The following CDYL variants were observed in gnomAD, a reference collection of about 807,000 sequenced individuals.
The protein encoded by CDYL is chromodomain Y-like protein.
Under a neutral mutation model 47.3 loss-of-function variants are expected in CDYL, and 8 were observed. The observed-to-expected ratio is 0.17, with a 90% CI of 0.10 to 0.31. CDYL has a LOEUF of 0.31. CDYL is among the 10% of genes least tolerant of loss of function. CDYL has a pLI of 1.00. For missense variants in CDYL, 471 were observed against 701.4 expected (o/e 0.67, Z 3.71); for synonymous variants, 266 against 265.0 (o/e 1.00, Z -0.04).
At chr6:4,729,883 A>T (rs1757575350) in intron 2 of CDYL, among the ~76,000 whole-genome samples, 2 of 151,980 alleles carry the variant, frequency 1.3e-5, no homozygotes, top group South Asian at 4.1e-4. Context: ...ACGCTACTAC[A>T]CTCCAGCCTG....
At chr6:4,918,800 C>T (rs1347153277) in intron 2 of CDYL, among the ~76,000 whole-genome samples, 1 of 152,152 alleles carries the variant, frequency 6.6e-6, no homozygotes, top group Non-Finnish European at 1.5e-5. Flanking sequence ...TTTTGAAGAA[C>T]TGAGTAAGGA....
intron 1 of CDYL, among the ~76,000 whole-genome samples, chr6:4,821,872 C>T (rs1441126934): frequency 6.6e-6 from 1 of 151,832 alleles, no homozygotes; most frequent in Non-Finnish European, 1.5e-5. Context: ...TAATTGTAGC[C>T]ATATAATAAT....
chr6:4,811,528 A>C (rs1759528252), intron 1 of CDYL, among the ~76,000 whole-genome samples: 1 of 152,016 alleles, frequency 6.6e-6, no homozygotes, highest in South Asian at 2.1e-4. Context: ...CCTAGAATTT[A>C]GTAAGGAGAT....
intron 2 of CDYL, among the ~76,000 whole-genome samples, chr6:4,722,509 G>A (rs780758355): frequency 3.3e-5 from 5 of 152,152 alleles, no homozygotes; most frequent in Non-Finnish European, 7.3e-5. Context: ...TTTAAAAAGA[G>A]TACGTGCCAC....
chr6:4,850,814 A>G (rs1180304461), intron 1 of CDYL, among the ~76,000 whole-genome samples: 1 of 152,238 alleles, frequency 6.6e-6, no homozygotes, highest in East Asian at 1.9e-4. Flanking sequence ...TAATTTGGAT[A>G]TTTAACAAAA....
chr6:4,818,807 A>G (rs797003105), intron 1 of CDYL, among the ~76,000 whole-genome samples: 10 of 152,350 alleles, frequency 6.6e-5, no homozygotes, highest in African/African-American at 2.4e-4. Flanking sequence ...GGATGTAAAA[A>G]TCATGTTAAC....
At chr6:4,934,631 C>T (rs1758133051) in intron 2 of CDYL, among the ~76,000 whole-genome samples, 1 of 152,172 alleles carries the variant, frequency 6.6e-6, no homozygotes, top group African/African-American at 2.4e-5. Context: ...CACATTGGAT[C>T]ATATTTGGAC....
At chr6:4,722,328 G>A (rs1757386313) in intron 2 of CDYL, among the ~76,000 whole-genome samples, 1 of 152,108 alleles carries the variant, frequency 6.6e-6, no homozygotes, top group African/African-American at 2.4e-5. Flanking sequence ...GGAGGCCAAG[G>A]TGGGAGGATG....
intron 2 of CDYL, among the ~76,000 whole-genome samples, chr6:4,921,676 C>T (rs982079761): frequency 3.9e-5 from 6 of 152,186 alleles, no homozygotes; most frequent in Non-Finnish European, 8.8e-5. Context: ...AGGCTGGCTG[C>T]AGTCTGTTTG....
intron 1 of CDYL, among the ~76,000 whole-genome samples, chr6:4,787,952 A>G (rs1758800825): frequency 6.6e-6 from 1 of 151,514 alleles, no homozygotes; most frequent in Non-Finnish European, 1.5e-5. Context: ...TTGTATTTTT[A>G]GTAGAGACAA....
chr6:4,725,442 G>C (rs982623891), intron 2 of CDYL, among the ~76,000 whole-genome samples: 2 of 152,250 alleles, frequency 1.3e-5, no homozygotes, highest in Non-Finnish European at 2.9e-5. Flanking sequence ...GGAGGCTCAG[G>C]CATGGCGGGC....
chr6:4,927,471 G>A (rs551740713), intron 2 of CDYL, among the ~76,000 whole-genome samples: 10 of 143,664 alleles, frequency 7.0e-5, no homozygotes, highest in South Asian at 2.3e-4. Flanking sequence ...CTTTTGAGAC[G>A]GAGTCTCACT....
intron 1 of CDYL, among the ~76,000 whole-genome samples, chr6:4,886,477 A>G (rs547104897): frequency 7.2e-5 from 11 of 152,274 alleles, no homozygotes; most frequent in Non-Finnish European, 1.5e-4. Context: ...ATGGCTAATG[A>G]TGTTGAGCGT....
chr6:4,892,367 G>T lies in CDYL; in HGVS notation c.679G>T (p.Val227Phe). ...VTAAMATGLA[V>F]NGKGTSPFMD... ...TGCAGCCATGGCCACAGGCTTAGCTGTTAACGGGAAAGGTGAGTGTCTAGG... is the reference window on the plus strand; with the variant it reads ...TGCAGCCATGGCCACAGGCTTAGCTTTTAACGGGAAAGGTGAGTGTCTAGG... Residue 227 changes from valine (V) to phenylalanine (F), a missense_variant, in exon 2 of 7, where the codon GTT becomes TTT. Val to Phe is a conservative substitution (Grantham distance 50). Coordinates refer to ENST00000397588, the MANE Select transcript of CDYL (RefSeq NM_004824.4). 1 of 1,608,558 alleles carries T rather than the reference G, an allele frequency of 6.2e-7. No homozygotes were observed. The highest frequency in any genetic ancestry group is 1.1e-5 in the South Asian group (1 of 90,378).
intron 3 of CDYL, among the ~76,000 whole-genome samples, chr6:4,739,629 A>G (rs1301140500): frequency 1.3e-5 from 2 of 152,132 alleles, no homozygotes; most frequent in Non-Finnish European, 2.9e-5. Context: ...TTAAATATTT[A>G]CAGATGTATT....
At chr6:4,792,754 G>C (rs1758962148) in intron 1 of CDYL, among the ~76,000 whole-genome samples, 1 of 151,972 alleles carries the variant, frequency 6.6e-6, no homozygotes, top group Non-Finnish European at 1.5e-5. Flanking sequence ...TTCGTTTTTT[G>C]TTTAAGAAAT....
At chr6:4,839,306 A>T (rs571633344) in intron 1 of CDYL, among the ~76,000 whole-genome samples, 1 of 152,156 alleles carries the variant, frequency 6.6e-6, no homozygotes, top group South Asian at 2.1e-4. Flanking sequence ...TCATTTGTAG[A>T]TTCTGGATGT....
chr6:4,718,817 T>C (rs938297826), intron 2 of CDYL, among the ~76,000 whole-genome samples: 1 of 152,226 alleles, frequency 6.6e-6, no homozygotes, highest in Non-Finnish European at 1.5e-5. Flanking sequence ...TTTTGACATA[T>C]GCATCTACAT....
intron 1 of CDYL, among the ~76,000 whole-genome samples, chr6:4,841,058 G>T (rs1760475593): frequency 6.6e-6 from 1 of 151,792 alleles, no homozygotes; most frequent in Non-Finnish European, 1.5e-5. Context: ...TTTTTTGTTG[G>T]CAACTTTTAA....
Sources: allele counts gnomAD v4.1 joint callset (sites outside exome capture counted in the v4.1 genomes callset), GRCh38; gene constraint gnomAD v4.1.1; transcripts MANE v1.5; gene names NCBI Gene and HGNC (gene_info 2026-07-23, HGNC 2026-07-21).